Variants in TRMT1L observed in about 807,000 individuals in gnomAD.
The protein encoded by TRMT1L is tRNA methyltransferase 1L.
Under a neutral mutation model 81.6 loss-of-function variants are expected in TRMT1L, and 28 were observed. The observed-to-expected ratio is 0.34, with a 90% CI of 0.25 to 0.47. The LOEUF (loss-of-function observed/expected upper bound fraction) is 0.47, where lower values mean the gene tolerates loss of function less well. TRMT1L is among the 20% of genes least tolerant of loss of function. The pLI is 1.00. For synonymous variants in TRMT1L, 301 were observed against 303.2 expected (o/e 0.99, Z 0.07); for missense variants, 739 against 877.1 (o/e 0.84, Z 1.99).
chr1:185,157,499 G>C (rs1300868307), upstream of TRMT1L: 1 of 152,674 alleles, frequency 6.5e-6, no homozygotes, highest in African/African-American at 2.4e-5. Context: ...GTTCTGGCCC[G>C]GCTTGCCTCC....
In TRMT1L at chr1:185,154,791, T is replaced by C. The variant is rs568301168; in HGVS notation, c.235+1687A>G. On this transcript the variant is annotated intron_variant, in intron 1 of 14. Transcript: ENST00000367506. ...TCTGAAATCACCTTCTGGTTTAAGATAGTGCGTATCAGACAATCTGTATGC... is the reference window on the plus strand; with the variant it reads ...TCTGAAATCACCTTCTGGTTTAAGACAGTGCGTATCAGACAATCTGTATGC... Among the ~76,000 whole-genome samples the C allele has an allele frequency of 1.2e-3, 178 of 152,380 alleles. 3 individuals carry two copies. The highest frequency in any genetic ancestry group is 1.2e-3 in the South Asian group (6 of 4,834).
intron 4 of TRMT1L, 43 bp from the exon 5 acceptor site, chr1:185,145,611 T>C: frequency 3.1e-6 from 5 of 1,592,882 alleles, no homozygotes; most frequent in Non-Finnish European, 4.3e-6. Flanking sequence ...GCTAAGACAA[T>C]GAAACAGAAG....
intron 13 of TRMT1L, among the ~76,000 whole-genome samples, chr1:185,123,220 G>A (rs1005552305): frequency 2.0e-5 from 3 of 152,156 alleles, no homozygotes; most frequent in African/African-American, 7.2e-5. Flanking sequence ...AATTACAGCT[G>A]ATAACTAAAG....
intron 5 of TRMT1L, 33 bp from the exon 6 acceptor site, chr1:185,144,062 A>G: frequency 6.4e-7 from 1 of 1,550,828 alleles, no homozygotes; most frequent in East Asian, 2.3e-5. Context: ...TTTCCAGGGA[A>G]ACACAAAATA....
At chr1:185,129,479 A>AT (rs2102234601) in intron 10 of TRMT1L, among the ~76,000 whole-genome samples, 1 of 152,330 alleles carries the variant, frequency 6.6e-6, no homozygotes, top group South Asian at 2.1e-4. Context: ...ATGGGCTAAT[A>AT]TTTGACTATG....
At position 185,119,969 on chromosome 1, in the gene TRMT1L, A is replaced by AAC; in HGVS notation, c.*48_*49dup. 1.3e-6 allele frequency: 2 copies of AAC among 1,566,040 alleles called. No individual in the cohort carries two copies. Among genetic ancestry groups the AAC allele is most frequent in the South Asian group, 2.3e-5 (2 of 85,300 alleles). On this transcript the variant is annotated 3_prime_UTR_variant, in exon 15 of 15. Transcript: ENST00000367506. ...AAAAAGAACTACAGTTGGTATAGAG[A>AAC]ACTATTAGGCCATCTATACAGACAC...
chr1:185,140,936 C>CCTTG (rs1392478330), intron 7 of TRMT1L, among the ~76,000 whole-genome samples: 1 of 148,388 alleles, frequency 6.7e-6, no homozygotes, highest in African/African-American at 2.5e-5. Context: ...CGAGATGGTG[C>CCTTG]CAAGACCCCA....
chr1:185,146,481 T>G (rs1653191613), intron 4 of TRMT1L, among the ~76,000 whole-genome samples: 1 of 152,016 alleles, frequency 6.6e-6, no homozygotes, highest in South Asian at 2.1e-4. Flanking sequence ...AGGTTCCTTG[T>G]GGTACTGTGA....
chr1:185,152,181 G>C (rs1311297697), intron 1 of TRMT1L, among the ~76,000 whole-genome samples: 2 of 152,146 alleles, frequency 1.3e-5, no homozygotes, highest in Non-Finnish European at 2.9e-5. Flanking sequence ...TATGAAAAAT[G>C]TTTCTGTCCT....
At position 185,156,668 on chromosome 1, in the gene TRMT1L, C is replaced by T. The variant is rs1653598938; in HGVS notation, c.45G>A (p.Glu15=). Residue 15 remains glutamate (E), a synonymous_variant, in exon 1 of 15, where the codon GAG becomes GAA. Coordinates refer to ENST00000367506, the MANE Select transcript of TRMT1L (RefSeq NM_030934.5). ...AEEELLPLEK[E]EVEVAQVQVP... ...CCTGGACCTGGGCCACCTCCACCTC[C>T]TCCTTCTCCAGGGGCAGCAGCTCCT... The T allele has an allele frequency of 1.2e-6, 2 of 1,612,128 alleles. No homozygotes were observed. The highest frequency in any genetic ancestry group is 1.1e-5 in the South Asian group (1 of 91,026).
At chr1:185,121,802 TATCG>T (rs1652505872) in intron 13 of TRMT1L, among the ~76,000 whole-genome samples, 1 of 152,124 alleles carries the variant, frequency 6.6e-6, no homozygotes, top group Non-Finnish European at 1.5e-5. Flanking sequence ...CAACTTTCTT[TATCG>T]ATTAAAGGGT....
At position 185,144,010 on chromosome 1, in the gene TRMT1L, A is replaced by C; in HGVS notation, c.675T>G (p.Pro225=). 6.2e-7 allele frequency: 1 copy of C among 1,607,056 alleles called. No individual in the cohort carries two copies. Among genetic ancestry groups the C allele is most frequent in the African/African-American group, 1.3e-5 (1 of 74,796 alleles). ...SYIAASTAKP[P]KEILKEADTD... is the part of the protein sequence containing the mutation. ...TGTCTGCCTCTTTCAAAATTTCCTT[A>C]GGTGGTTTAGCAGTGGAAGCTAAGA... The change falls in exon 6 of 15, where the codon CCT becomes CCG. Residue 225 remains proline, a synonymous_variant. Transcript: ENST00000367506.
At chr1:185,121,286 T>C (rs1380565519) in intron 13 of TRMT1L, among the ~76,000 whole-genome samples, 1 of 152,108 alleles carries the variant, frequency 6.6e-6, no homozygotes, top group Non-Finnish European at 1.5e-5. Flanking sequence ...GTAATTAACA[T>C]CTGCTTAAGC....
At chr1:185,151,126 T>C (rs1557993329) in intron 2 of TRMT1L, among the ~76,000 whole-genome samples, 5 of 152,206 alleles carry the variant, frequency 3.3e-5, no homozygotes, top group Non-Finnish European at 7.3e-5. Flanking sequence ...AGAAATATAA[T>C]GTATCTCAAA....
chr1:185,141,570 G>A (rs1192222089), intron 7 of TRMT1L, among the ~76,000 whole-genome samples: 2 of 152,164 alleles, frequency 1.3e-5, no homozygotes, highest in African/African-American at 2.4e-5. Flanking sequence ...CAGGCGTGGT[G>A]GTAGGCGCCT....
intron 12 of TRMT1L, chr1:185,124,694 T>A (rs1652579235): frequency 4.4e-6 from 1 of 229,230 alleles, no homozygotes; most frequent in Non-Finnish European, 8.3e-6. Context: ...AGACCCAGTA[T>A]CCAAAAAAAA....
At position 185,120,204 on chromosome 1, in the gene TRMT1L, T is replaced by C. The variant is rs774750993; in HGVS notation, c.2017A>G (p.Met673Val). 6 of 1,611,796 alleles carry C rather than the reference T, an allele frequency of 3.7e-6. No homozygotes were observed. Among genetic ancestry groups the C allele is most frequent in the African/African-American group, 1.3e-5 (1 of 74,978 alleles). Reference protein sequence around the residue: ...FRVSRTHFDPMGVRTDAPLMQ... With the variant: ...FRVSRTHFDPVGVRTDAPLMQ... ...AGAGGTGCATCTGTGCGTACACCCA[T>C]TGGGTCAAAATGAGTTCGGCTTACT... The change falls in exon 15 of 15, where the codon ATG becomes GTG. Residue 673 changes from methionine (M) to valine (V), a missense_variant. Coordinates refer to ENST00000367506, the MANE Select transcript of TRMT1L (RefSeq NM_030934.5).
intron 10 of TRMT1L, among the ~76,000 whole-genome samples, chr1:185,132,529 T>TAAATAAAAATAA (rs552088834): frequency 3.4e-5 from 5 of 147,322 alleles, no homozygotes; most frequent in African/African-American, 7.6e-5. Flanking sequence ...AAAAAAAAAA[T>TAAATAAAAATAA]AAATAAAAAT....
intron 11 of TRMT1L, among the ~76,000 whole-genome samples, chr1:185,125,410 T>A (rs1409634890): frequency 1.3e-5 from 2 of 152,152 alleles, no homozygotes; most frequent in Admixed American, 1.3e-4. Context: ...CAAGGGATCC[T>A]CCTACCTTGG....
Sources: gnomAD v4.1 joint callset for allele counts (sites outside exome capture counted in the v4.1 genomes callset) on GRCh38, gnomAD v4.1.1 for gene constraint, MANE v1.5 for transcripts, NCBI Gene and HGNC (gene_info 2026-07-23, HGNC 2026-07-21) for gene names.